The following MEN1 variants were observed in gnomAD, a reference collection of about 807,000 sequenced individuals.
MEN1 encodes menin.
A neutral mutation model predicts 58.0 loss-of-function variants in MEN1; 6 were observed. The ratio of observed to expected loss-of-function variants is 0.10; its 90% CI spans 0.06 to 0.20. The LOEUF (loss-of-function observed/expected upper bound fraction) is 0.20. Among genes scored for constraint, MEN1 ranks in the 10% least tolerant of loss-of-function variants. The probability of loss-of-function intolerance (pLI) is 1.00; values close to 1 mark genes in which losing one functional copy is unlikely to be tolerated. For synonymous variants in MEN1, 346 were observed against 350.7 expected, an observed-to-expected ratio of 0.99 and a Z score of 0.15; for missense variants, 492 against 818.5, an observed-to-expected ratio of 0.60 and a Z score of 4.87.
intron 2 of MEN1, 118 bp from the exon 3 acceptor site, chr11:64,808,217 C>T: frequency 5.4e-6 from 5 of 931,458 alleles, no homozygotes; most frequent in South Asian, 3.0e-5. Context: ...GACCCAACCT[C>T]AGATTCTCCT....
chr11:64,808,508 C>A (rs759864052), intron 2 of MEN1, among the ~76,000 whole-genome samples: 7 of 152,238 alleles, frequency 4.6e-5, no homozygotes, highest in Non-Finnish European at 8.8e-5. Flanking sequence ...TCTCTGCACT[C>A]TTTTCCTGCT....
At chr11:64,810,431 G>A (rs374928060) in intron 1 of MEN1, 83 bp downstream of exon 1, 5 of 389,378 alleles carry the variant, frequency 1.3e-5, no homozygotes, top group East Asian at 4.5e-5. Context: ...TGCCCCCGGG[G>A]CTGTAAAGTC....
Position 64,807,352 on chromosome 11 carries a change from G to C in MEN1, c.784-133C>G. The C allele has an allele frequency of 8.7e-7, 1 of 1,147,330 alleles. No individual in the cohort carries two copies. Among genetic ancestry groups the C allele is most frequent in the South Asian group, 1.3e-5 (1 of 76,148 alleles). 71.1% of individuals were successfully genotyped at this position (1,147,330 alleles called of 1,614,324 possible). On this transcript the variant is annotated intron_variant, in intron 4 of 9. Transcript: ENST00000450708. This position sits in a 1 kb window ranked among gnomAD's most constrained non-coding sequence, Gnocchi z 4.9. The stretch of plus-strand genomic sequence containing the variant: ...TGGAAGGGCCAAAATTCTGGGACCA[G>C]CCCTTTAATGGAGTCAAAGCAATTT...
In MEN1 at chr11:64,804,875, A is replaced by G. The variant is rs1284654295; in HGVS notation, c.1351-59T>C. 9 of 1,595,692 alleles carry G rather than the reference A, an allele frequency of 5.6e-6. No individual in the cohort carries two copies. The Admixed American group carries it at 1.3e-4, about 24-fold the overall frequency. ...GTTGCCGGCCAGTGGCTGGAACTCC[A>G]GGACCCTGCTCTGGCCATCCCATCC... is the stretch of plus-strand genomic sequence containing the variant. On this transcript the variant is annotated intron_variant, in intron 9 of 9. Transcript: ENST00000450708. This position sits in a 1 kb window ranked among gnomAD's most constrained non-coding sequence, Gnocchi z 4.2.
rs1941463518 is a variant in MEN1, at chr11:64,804,089, G to A, written c.*245C>T. 1.8e-6 allele frequency: 1 copy of A among 565,560 alleles called. No individual in the cohort carries two copies. Among genetic ancestry groups the A allele is most frequent in the Non-Finnish European group, 3.2e-6 (1 of 316,672 alleles). 35.0% of individuals were successfully genotyped at this position (565,560 alleles called of 1,614,324 possible). A position where few individuals can be genotyped will look rare whatever the true frequency, so the allele number is the denominator to read the frequency against. The stretch of plus-strand genomic sequence containing the variant: ...GACTGGTAATTAGGACCCAGCGTGA[G>A]GTTTCCATTGGCCGGCTGGGATTCT... On this transcript the variant is annotated 3_prime_UTR_variant, in exon 10 of 10. Coordinates refer to ENST00000450708, the MANE Select transcript of MEN1 (RefSeq NM_001370259.2). This position sits in a 1 kb window ranked among gnomAD's most constrained non-coding sequence, Gnocchi z 4.2.
At chr11:64,809,038 G>A (rs1302758311) in intron 2 of MEN1, among the ~76,000 whole-genome samples, 1 of 151,482 alleles carries the variant, frequency 6.6e-6, no homozygotes, top group Non-Finnish European at 1.5e-5. Context: ...GAGGCGGGCA[G>A]ATCACTTGAG....
rs750208374 is a variant in MEN1, at chr11:64,809,601, G to A, written c.445+64C>T. 3.1e-6 allele frequency: 5 copies of A among 1,591,420 alleles called. No homozygotes were observed. In the African/African-American group the frequency reaches 6.7e-5, roughly 21 times the overall value. ...GGCTTACAGTTCTTAAAAGGGTTCT[G>A]TAAACCATGGAGGGTTTTGAAGAAG... On this transcript the variant is annotated intron_variant, in intron 2 of 9. Coordinates refer to ENST00000450708, the MANE Select transcript of MEN1 (RefSeq NM_001370259.2).
rs1941774610 is a variant in MEN1 at position 64,807,013 on chromosome 11, T to C, written c.910A>G (p.Lys304Glu). 3 of 1,612,420 alleles carry C rather than the reference T, an allele frequency of 1.9e-6. No individual in the cohort carries two copies. Among genetic ancestry groups the C allele is most frequent in the Non-Finnish European group, 2.5e-6 (3 of 1,179,788 alleles). The change falls in exon 6 of 10, where the codon AAG (lysine) becomes GAG (glutamate). Residue 304 changes from lysine to glutamate, a missense_variant and splice_region_variant. Transcript: ENST00000450708. The surrounding 1 kb of genome is among the most constrained non-coding windows in gnomAD (Gnocchi z 4.9). ...GRPDPLTLYH[K>E]GIASAKTYYR... ...GCACCCTCCTTAGATGCCCCCACCT[T>C]GTGGTAGAGGGTGAGTGGGTCTGGC...
intron 8 of MEN1, 43 bp downstream of exon 8, chr11:64,805,592 C>T: frequency 1.2e-6 from 2 of 1,610,478 alleles, no homozygotes; most frequent in African/African-American, 1.3e-5. Flanking sequence ...GGAGCCCTGT[C>T]CAGGTGGGAG....
chr11:64,808,276 C>T (rs1348488790), intron 2 of MEN1, among the ~76,000 whole-genome samples, 177 bp from the exon 3 acceptor site: 1 of 152,222 alleles, frequency 6.6e-6, no homozygotes, highest in East Asian at 1.9e-4. Flanking sequence ...AAGACTCTCT[C>T]CCTGTTTACA....
In MEN1 at chr11:64,804,121, A is replaced by C; in HGVS notation, c.*213T>G. 1.6e-6 allele frequency: 1 copy of C among 611,996 alleles called. No individual in the cohort carries two copies. The allele number at this position is 611,996 out of a possible 1,614,324, so 37.9% of individuals were successfully genotyped here. A position where few individuals can be genotyped will look rare whatever the true frequency, so the allele number is the denominator to read the frequency against. The stretch of plus-strand genomic sequence containing the variant: ...ATTGGCCGGCTGGGATTCTGGGAGA[A>C]GAGACCTATATTCTAACGACTGGGG... On this transcript the variant is annotated 3_prime_UTR_variant, in exon 10 of 10. Coordinates refer to ENST00000450708, the MANE Select transcript of MEN1 (RefSeq NM_001370259.2). The surrounding 1 kb of genome is among the most constrained non-coding windows in gnomAD (Gnocchi z 4.2).
At chr11:64,810,800 T>C (rs1942072870), upstream of MEN1, 1 of 152,148 alleles carries the variant, frequency 6.6e-6, no homozygotes, top group Non-Finnish European at 1.5e-5. Context: ...CTGGAAAATG[T>C]AGTCCGGGGG....
intron 2 of MEN1, among the ~76,000 whole-genome samples, chr11:64,808,505 A>G (rs1941899183): frequency 6.6e-6 from 1 of 152,170 alleles, no homozygotes; most frequent in Admixed American, 6.5e-5. Context: ...TTATCTCTGC[A>G]CTCTTTTCCT....
rs1259383083 is a variant in MEN1, at chr11:64,806,302, A to G, written c.979T>C (p.Tyr327His). The change falls in exon 7 of 10, where the codon TAC (tyrosine) becomes CAC (histidine). Residue 327 changes from tyrosine (Y) to histidine (H), a missense_variant. Tyr to His is a moderately conservative substitution (Grantham distance 83). This residue lies in a region of MEN1 where 335 missense variants were observed against 550.3 expected (regional missense o/e 0.61). Coordinates refer to ENST00000450708, the MANE Select transcript of MEN1 (RefSeq NM_001370259.2). ...HIYPYMYLAG[Y>H]HCRNRNVREA... ...CGCACATTGCGGTTGCGACAGTGGT[A>G]GCCAGCCAGGTACATGTAGGGGTAG... The G allele has an allele frequency of 6.2e-7, 1 of 1,614,088 alleles. No homozygotes were observed.
rs766553550 is a variant in MEN1, at chr11:64,807,227, C to T, written c.784-8G>A. 1 of 1,612,574 alleles carries T rather than the reference C, an allele frequency of 6.2e-7. No homozygotes were observed. Among genetic ancestry groups the T allele is most frequent in the Non-Finnish European group, 8.5e-7 (1 of 1,179,808 alleles). On this transcript the variant is annotated splice_region_variant and splice_polypyrimidine_tract_variant and intron_variant, in intron 4 of 9. Coordinates refer to ENST00000450708, the MANE Select transcript of MEN1 (RefSeq NM_001370259.2). This position sits in a 1 kb window ranked among gnomAD's most constrained non-coding sequence, Gnocchi z 4.9. ...GAGCAGCCAGAGCAGCTTCTAGGAG[C>T]CGAAGGAGAGAGTTATGAGCCACGG...
intron 6 of MEN1, 26 bp from the exon 7 acceptor site, chr11:64,806,394 C>G (rs1426068329): frequency 2.5e-6 from 4 of 1,614,020 alleles, no homozygotes. Context: ...GCAGAGGATC[C>G]TCAGGGAGGC....
In MEN1 at chr11:64,804,418, C is replaced by G. The variant is rs765105348; in HGVS notation, c.1749G>C (p.Ser583=). Residue 583 remains serine, a synonymous_variant, in exon 10 of 10, where the codon TCG becomes TCC. Transcript: ENST00000450708. This position sits in a 1 kb window ranked among gnomAD's most constrained non-coding sequence, Gnocchi z 4.2. ...SAIKLQLTAQ[S]QVQMKKQKVS... is the part of the protein sequence containing the mutation. ...CTTTCTGCTTCTTCATCTGCACTTG[C>G]GACTGTGCCGTGAGTTGCAGCTTGA... 3.1e-6 allele frequency: 5 copies of G among 1,614,194 alleles called. No individual in the cohort carries two copies. The highest frequency in any genetic ancestry group is 1.6e-4 in the Middle Eastern group (1 of 6,062).
At chr11:64,805,294 C>A in intron 8 of MEN1, 96 bp from the exon 9 acceptor site, 2 of 1,424,068 alleles carry the variant, frequency 1.4e-6, no homozygotes, top group Non-Finnish European at 1.9e-6. Context: ...AGACCCCTGG[C>A]TCCAGAAAAG....
At position 64,809,749 on chromosome 11, in the gene MEN1, C is replaced by G. The variant is rs863224812; in HGVS notation, c.361G>C (p.Val121Leu). The change falls in exon 2 of 10, where the codon GTC becomes CTC. Residue 121 changes from valine (V) to leucine (L), a missense_variant. Around this residue, in one of 5 missense-constraint regions of MEN1, gnomAD observed 335 missense variants for 550.3 expected, o/e 0.61. Coordinates refer to ENST00000450708, the MANE Select transcript of MEN1 (RefSeq NM_001370259.2). ...GVSSRELVKKVSDVIWNSLSR... is the reference protein window; with the variant it reads ...GVSSRELVKKLSDVIWNSLSR... The stretch of plus-strand genomic sequence containing the variant: ...AGGCTGTTCCATATGACATCGGAGA[C>G]CTTCTTCACCAGCTCACGGCTGGAG... The G allele has an allele frequency of 6.2e-7, 1 of 1,614,146 alleles. No individual in the cohort carries two copies. Among genetic ancestry groups the G allele is most frequent in the Non-Finnish European group, 8.5e-7 (1 of 1,180,038 alleles).
Sources: allele counts gnomAD v4.1 joint callset (sites outside exome capture counted in the v4.1 genomes callset), GRCh38; gene constraint gnomAD v4.1.1; regional missense constraint gnomAD v4.1.1; non-coding constraint Gnocchi (gnomAD v3.1); transcripts MANE v1.5; gene names NCBI Gene and HGNC (gene_info 2026-07-23, HGNC 2026-07-21).